Variants in SCN8A observed in about 807,000 individuals in gnomAD.
SCN8A encodes sodium channel protein type 8 subunit alpha.
SCN8A carries 30 observed loss-of-function variants against 184.1 expected under a neutral mutation model. The ratio of observed to expected loss-of-function variants is 0.16; its 90% confidence interval spans 0.12 to 0.22. The LOEUF (loss-of-function observed/expected upper bound fraction) is 0.22. Ranked by LOEUF, SCN8A falls within the 10% of genes least tolerant of loss-of-function variation. SCN8A has a pLI of 1.00. For synonymous variants in SCN8A, 852 were observed against 907.0 expected (o/e 0.94, Z 1.09); for missense variants, 1,057 against 2,498.9 (o/e 0.42, Z 12.30).
intron 26 of SCN8A, among the ~76,000 whole-genome samples, chr12:51,801,257 T>C (rs1180458544): frequency 6.6e-6 from 1 of 152,180 alleles, no homozygotes; most frequent in Non-Finnish European, 1.5e-5. Context: ...CACCTTGGGA[T>C]CCAATTATTC....
At chr12:51,629,582 C>CA (rs71092711) in intron 1 of SCN8A, among the ~76,000 whole-genome samples, 10,361 of 127,728 alleles carry the variant, frequency 0.081, 479 homozygotes, top group East Asian at 0.17. Context: ...ATCAGTTTTG[C>CA]AAAAAAAAAA....
intron 1 of SCN8A, among the ~76,000 whole-genome samples, chr12:51,612,542 T>C (rs1468995205): frequency 6.6e-6 from 1 of 152,252 alleles, no homozygotes; most frequent in East Asian, 1.9e-4. Context: ...TTATCAGGAA[T>C]GAATGTTGAA....
intron 2 of SCN8A, among the ~76,000 whole-genome samples, chr12:51,680,033 T>C (rs1400416786): frequency 6.6e-6 from 1 of 152,136 alleles, no homozygotes; most frequent in Non-Finnish European, 1.5e-5. Context: ...AAAAGATCCA[T>C]TGTGAAAAAC....
At chr12:51,774,135 T>A (rs1942971820) in intron 19 of SCN8A, 54 bp from the exon 20 acceptor site, 2 of 1,565,010 alleles carry the variant, frequency 1.3e-6, no homozygotes, top group Non-Finnish European at 1.8e-6. Flanking sequence ...CAGTGCTCCC[T>A]GTGGCCTGCT....
intron 26 of SCN8A, among the ~76,000 whole-genome samples, chr12:51,799,984 T>C (rs892004093): frequency 1.3e-5 from 2 of 152,236 alleles, no homozygotes; most frequent in East Asian, 1.9e-4. Flanking sequence ...TTGCTACTTC[T>C]CGCTCACTGG....
intron 1 of SCN8A, among the ~76,000 whole-genome samples, chr12:51,628,596 G>A (rs1028835275): frequency 1.3e-5 from 2 of 152,142 alleles, no homozygotes; most frequent in East Asian, 1.9e-4. Context: ...GGGGAAAGGG[G>A]TGGTGGTGAC....
rs564883851 is a variant in SCN8A at position 51,758,888 on chromosome 12, A to G, written c.2371-3615A>G. Among the ~76,000 whole-genome samples, 34 of 152,278 alleles carry G rather than the reference A, an allele frequency of 2.2e-4. No homozygotes were observed. The South Asian group carries it at 6.9e-3, about 31-fold the overall frequency. On this transcript the variant is annotated intron_variant, in intron 14 of 26. Coordinates refer to ENST00000627620, the MANE Select transcript of SCN8A (RefSeq NM_001330260.2). ...GTCCTCTCTTATCCAAGGGGGATAC[A>G]TTCCAAGGCCCCCAGTGGATGCCTG... is the stretch of plus-strand genomic sequence containing the variant.
At chr12:51,643,987 C>T (rs745687495) in intron 1 of SCN8A, among the ~76,000 whole-genome samples, 6 of 152,168 alleles carry the variant, frequency 3.9e-5, no homozygotes, top group Non-Finnish European at 5.9e-5. Flanking sequence ...TAGTGCTGGA[C>T]CTTTGTTCTA....
At chr12:51,602,026 A>G (rs1939478247) in intron 1 of SCN8A, among the ~76,000 whole-genome samples, 1 of 151,888 alleles carries the variant, frequency 6.6e-6, no homozygotes, top group Admixed American at 6.6e-5. Context: ...TTCTGTTTAT[A>G]TGGATGTTGA....
chr12:51,735,366 A>G (rs1043584111), intron 12 of SCN8A, among the ~76,000 whole-genome samples: 9 of 152,206 alleles, frequency 5.9e-5, no homozygotes, highest in African/African-American at 2.2e-4. Context: ...CTTCCTAAAC[A>G]AGTACGTTCA....
At chr12:51,713,199 A>T (rs116160580) in intron 11 of SCN8A, 1 of 1,162,786 alleles carries the variant, frequency 8.6e-7, no homozygotes, top group East Asian at 2.3e-5. Flanking sequence ...ATTCCTTTGT[A>T]TCTTCTGTAA....
chr12:51,801,931 T>C (rs573634530), intron 26 of SCN8A, among the ~76,000 whole-genome samples: 2 of 152,150 alleles, frequency 1.3e-5, no homozygotes, highest in African/African-American at 4.8e-5. Context: ...GGCATGCACC[T>C]GTAACCCCAG....
rs1460362222 is a variant in SCN8A, at chr12:51,735,320, CGTT to C, written c.1999-10580_1999-10578del. 1.3e-4 allele frequency among the ~76,000 whole-genome samples: 20 copies of C among 152,270 alleles called. No homozygotes were observed. The East Asian group carries it at 2.5e-3, about 19-fold the overall frequency. ...CAATTAATAATGATTCCATAGGAAT[CGTT>C]GTGCAGCACCTCTGCCTGTTTTGCA... On this transcript the variant is annotated intron_variant, in intron 12 of 26. Transcript: ENST00000627620.
chr12:51,806,943 C>T lies in SCN8A; in HGVS notation c.5457C>T (p.Leu1819=). The change falls in exon 27 of 27, where the codon CTC becomes CTT. Residue 1819 remains leucine (L), a synonymous_variant. Transcript: ENST00000627620. The surrounding 1 kb of genome is among the most constrained non-coding windows in gnomAD (Gnocchi z 8.7). ...TTGCAGATGCCTTGGAGCATCCTCT[C>T]CGAGTGCCCAAGCCCAATACCATTG... ...ADFADALEHP[L]RVPKPNTIEL... 6.2e-7 allele frequency: 1 copy of T among 1,613,710 alleles called. No individual in the cohort carries two copies. Among genetic ancestry groups the T allele is most frequent in the Non-Finnish European group, 8.5e-7 (1 of 1,179,640 alleles).
In SCN8A at chr12:51,765,933, A is replaced by T; in HGVS notation, c.2807A>T (p.Glu936Val). 1 of 1,613,938 alleles carries T rather than the reference A, an allele frequency of 6.2e-7. No individual in the cohort carries two copies. ...FLIVFRVLCG[E>V]WIETMWDCME... ...ATTGTCTTTCGAGTGTTGTGCGGGG[A>T]GTGGATTGAGACCATGTGGGACTGC... The change falls in exon 16 of 27, where the codon GAG becomes GTG. Residue 936 changes from glutamate (E) to valine (V), a missense_variant. Coordinates refer to ENST00000627620, the MANE Select transcript of SCN8A (RefSeq NM_001330260.2).
At chr12:51,744,629 T>C (rs1942480475) in intron 12 of SCN8A, among the ~76,000 whole-genome samples, 1 of 151,794 alleles carries the variant, frequency 6.6e-6, no homozygotes, top group South Asian at 2.1e-4. Flanking sequence ...TTTTTTTTTT[T>C]TGAGATGAGG....
intron 1 of SCN8A, among the ~76,000 whole-genome samples, chr12:51,593,034 G>A (rs76292804): frequency 0.014 from 2,061 of 152,172 alleles, 52 homozygotes; most frequent in African/African-American, 0.047. Context: ...TAGGAATCTT[G>A]GGGGAATCAG....
intron 1 of SCN8A, among the ~76,000 whole-genome samples, chr12:51,637,206 C>T (rs909853365): frequency 6.6e-6 from 1 of 152,162 alleles, no homozygotes; most frequent in East Asian, 1.9e-4. Context: ...GCTGTTCCCC[C>T]ATCTCTCTCC....
chr12:51,809,828 T>C lies in SCN8A; in HGVS notation c.*2399T>C, dbSNP rs1938833653. On this transcript the variant is annotated 3_prime_UTR_variant, in exon 27 of 27. Transcript: ENST00000627620. The stretch of plus-strand genomic sequence containing the variant: ...TTTTATTTTTTATACTTTTCTTTCT[T>C]CTTAGAACTTAGATGCTGTCAGCCA... The C allele has an allele frequency of 6.6e-6, 1 of 152,242 alleles. No individual in the cohort carries two copies. Among genetic ancestry groups the C allele is most frequent in the Non-Finnish European group, 1.5e-5 (1 of 68,036 alleles). 9.4% of individuals were successfully genotyped at this position (152,242 alleles called of 1,614,324 possible).
Sources: allele counts gnomAD v4.1 joint callset (sites outside exome capture counted in the v4.1 genomes callset), GRCh38; gene constraint gnomAD v4.1.1; non-coding constraint Gnocchi (gnomAD v3.1); transcripts MANE v1.5; gene names NCBI Gene and HGNC (gene_info 2026-07-23, HGNC 2026-07-21).